Variants in MAPKAPK2 observed in about 807,000 individuals in gnomAD.
MAPKAPK2 encodes the protein MAP kinase-activated protein kinase 2.
MAPKAPK2 carries 9 observed loss-of-function variants against 48.8 expected under a neutral mutation model. The observed-to-expected ratio is 0.18, with a 90% CI of 0.11 to 0.32. MAPKAPK2 has a LOEUF of 0.32. Among genes scored for constraint, MAPKAPK2 ranks in the 10% least tolerant of loss-of-function variants. The pLI, the probability that MAPKAPK2 is intolerant of heterozygous loss-of-function variation, is 1.00. For missense variants in MAPKAPK2, 331 were observed against 498.3 expected, an observed-to-expected ratio of 0.66 and a Z score of 3.20; for synonymous variants, 202 against 190.6, an observed-to-expected ratio of 1.06 and a Z score of -0.49.
At chr1:206,708,985 C>A (rs1435901464) in intron 1 of MAPKAPK2, among the ~76,000 whole-genome samples, 1 of 152,170 alleles carries the variant, frequency 6.6e-6, no homozygotes, top group South Asian at 2.1e-4. Context: ...CTTCTCCATT[C>A]CCCTGTTGAT....
rs1572471027 is a variant in MAPKAPK2, at chr1:206,685,574, G to C, written c.279+66G>C. 4 of 1,323,192 alleles carry C rather than the reference G, an allele frequency of 3.0e-6. No homozygotes were observed. In the East Asian group the frequency reaches 1.6e-4, roughly 52 times the overall value. The allele number at this position is 1,323,192 out of a possible 1,614,324, so 82.0% of individuals were successfully genotyped here. On this transcript the variant is annotated intron_variant, in intron 1 of 9. Coordinates refer to ENST00000367103, the MANE Select transcript of MAPKAPK2 (RefSeq NM_032960.4). ...GGGCCCTGGAGCTCCACGGCGTCGG[G>C]TGCCCGTCCCGGCCTGGGTCGCGGC...
At chr1:206,730,126 A>C (rs1402947741) in intron 5 of MAPKAPK2, 28 bp downstream of exon 5, 5 of 1,613,466 alleles carry the variant, frequency 3.1e-6, no homozygotes, top group Non-Finnish European at 4.2e-6. Flanking sequence ...CCAGGGACCT[A>C]GGCTTTTCCC....
chr1:206,729,514 G>A (rs1012878423), intron 4 of MAPKAPK2, 39 bp downstream of exon 4: 21 of 1,582,188 alleles, frequency 1.3e-5, no homozygotes, highest in Non-Finnish European at 1.7e-5. Context: ...AGTGCTGTGG[G>A]GGGCAACAAA....
intron 1 of MAPKAPK2, among the ~76,000 whole-genome samples, chr1:206,696,740 TTA>T (rs753152918): frequency 9.2e-5 from 14 of 152,176 alleles, no homozygotes; most frequent in Non-Finnish European, 2.1e-4. Flanking sequence ...GCACTGTGCA[TTA>T]TATGCATTAT....
At chr1:206,728,878 C>T (rs1673797341) in intron 2 of MAPKAPK2, 29 bp downstream of exon 2, 1 of 1,612,742 alleles carries the variant, frequency 6.2e-7, no homozygotes, top group Admixed American at 1.7e-5. Context: ...AGTCCCGGCC[C>T]AGCCTGTTCC....
chr1:206,694,420 G>T (rs1553426712), intron 1 of MAPKAPK2, among the ~76,000 whole-genome samples: 1 of 152,230 alleles, frequency 6.6e-6, no homozygotes, highest in Non-Finnish European at 1.5e-5. Context: ...CCATTGGCCT[G>T]TGCAGAGGAA....
chr1:206,702,015 G>A (rs1672813164), intron 1 of MAPKAPK2, among the ~76,000 whole-genome samples: 1 of 152,118 alleles, frequency 6.6e-6, no homozygotes, highest in Non-Finnish European at 1.5e-5. Flanking sequence ...AGACTCTTCA[G>A]AGGAGGTAAC....
chr1:206,728,630 G>A lies in MAPKAPK2; in HGVS notation c.280-80G>A, dbSNP rs966275099. On this transcript the variant is annotated intron_variant, in intron 1 of 9. Coordinates refer to ENST00000367103, the MANE Select transcript of MAPKAPK2 (RefSeq NM_032960.4). ...GGGGGGTTTGTGGTATGTCGGTGGCGATGTCAGGGCATGTGGGCCAGGGGC... is the reference window on the plus strand; with the variant it reads ...GGGGGGTTTGTGGTATGTCGGTGGCAATGTCAGGGCATGTGGGCCAGGGGC... 2.3e-5 allele frequency: 35 copies of A among 1,519,584 alleles called. No homozygotes were observed. The East Asian group carries it at 5.5e-4, about 24-fold the overall frequency. The allele number at this position is 1,519,584 out of a possible 1,614,324, so 94.1% of individuals were successfully genotyped here.
intron 1 of MAPKAPK2, among the ~76,000 whole-genome samples, chr1:206,727,185 G>C (rs562213821): frequency 6.6e-6 from 1 of 152,284 alleles, no homozygotes; most frequent in African/African-American, 2.4e-5. Flanking sequence ...TGGCACCTGC[G>C]CTTGCACTTA....
At chr1:206,690,733 G>A (rs782426062) in intron 1 of MAPKAPK2, among the ~76,000 whole-genome samples, 4 of 152,216 alleles carry the variant, frequency 2.6e-5, no homozygotes, top group Non-Finnish European at 5.9e-5. Context: ...GTGGGTGCCA[G>A]GAGGAATGTC....
In MAPKAPK2 at chr1:206,732,227, G is replaced by A; in HGVS notation, c.1059+308G>A. The A allele has an allele frequency of 6.6e-7, 1 of 1,521,098 alleles. No individual in the cohort carries two copies. The highest frequency in any genetic ancestry group is 8.9e-7 in the Non-Finnish European group (1 of 1,127,814). The allele number at this position is 1,521,098 out of a possible 1,614,324, so 94.2% of individuals were successfully genotyped here. On this transcript the variant is annotated intron_variant, in intron 9 of 9. Transcript: ENST00000367103. This position sits in a 1 kb window ranked among gnomAD's most constrained non-coding sequence, Gnocchi z 4.4. The stretch of plus-strand genomic sequence containing the variant: ...GCAGAAGAGAAACTGAGGCCCAGAG[G>A]CGGAGGGCAGTCTGCTCAAGGTCAC...
intron 6 of MAPKAPK2, 113 bp downstream of exon 6, chr1:206,730,876 C>A: frequency 8.7e-7 from 1 of 1,147,746 alleles, no homozygotes; most frequent in South Asian, 1.3e-5. Context: ...AGGGGAGTCC[C>A]CTGCGTGCCC....
Position 206,731,296 on chromosome 1 carries a change from G to A in MAPKAPK2, c.892+34G>A. 6.2e-7 allele frequency: 1 copy of A among 1,606,148 alleles called. No individual in the cohort carries two copies. Among genetic ancestry groups the A allele is most frequent in the Non-Finnish European group, 8.5e-7 (1 of 1,177,726 alleles). ...CCAGGCTTTCAGGACAAGGGGAAGA[G>A]CCCGTGTGTGTGTGTGTGTGTGTAT... On this transcript the variant is annotated intron_variant, in intron 7 of 9. Transcript: ENST00000367103. This position sits in a 1 kb window ranked among gnomAD's most constrained non-coding sequence, Gnocchi z 5.9.
chr1:206,723,280 C>G (rs782230773), intron 1 of MAPKAPK2, among the ~76,000 whole-genome samples: 15 of 152,156 alleles, frequency 9.9e-5, no homozygotes, highest in African/African-American at 2.7e-4. Context: ...GTTGCCCCCC[C>G]CAGTGGGACT....
At chr1:206,691,504 TACACAC>T (rs1553426272) in intron 1 of MAPKAPK2, among the ~76,000 whole-genome samples, 80 of 112,082 alleles carry the variant, frequency 7.1e-4, no homozygotes, top group Non-Finnish European at 9.9e-4. Context: ...TATATATATA[TACACAC>T]ATACACAGAT....
At chr1:206,711,433 T>C (rs1424637908) in intron 1 of MAPKAPK2, among the ~76,000 whole-genome samples, 10 of 151,416 alleles carry the variant, frequency 6.6e-5, no homozygotes, top group Admixed American at 6.6e-4. Flanking sequence ...GTGTTTTTAA[T>C]AGAGATGGGG....
rs1411587806 is a variant in MAPKAPK2 at position 206,688,981 on chromosome 1, T to A, written c.279+3473T>A. ...CACCTAGTCTCAACCCACTTGTGTA[T>A]TAATTAGTTGTATTCCCCGGGAGGG... On this transcript the variant is annotated intron_variant, in intron 1 of 9. Transcript: ENST00000367103. Among the ~76,000 whole-genome samples the A allele has an allele frequency of 3.3e-5, 5 of 152,180 alleles. No homozygotes were observed. In the East Asian group the frequency reaches 9.6e-4, roughly 29 times the overall value.
Position 206,728,785 on chromosome 1 carries a change from C to T in MAPKAPK2, c.355C>T (p.Arg119Trp), listed in dbSNP as rs1553432209. ...WRASQCPHIV[R>W]IVDVYENLYA... ...GGCCTCCCAGTGCCCGCACATCGTACGGATCGTGGATGTGTACGAGAATCT... is the reference window on the plus strand; with the variant it reads ...GGCCTCCCAGTGCCCGCACATCGTATGGATCGTGGATGTGTACGAGAATCT... Residue 119 changes from arginine to tryptophan, a missense_variant, in exon 2 of 10, where the codon CGG (arginine) becomes TGG (tryptophan). This residue lies in a region of MAPKAPK2 where 111 missense variants were observed against 193.6 expected (regional missense o/e 0.57). Transcript: ENST00000367103. The T allele has an allele frequency of 1.9e-6, 3 of 1,614,082 alleles. No homozygotes were observed. The highest frequency in any genetic ancestry group is 1.1e-5 in the South Asian group (1 of 91,080).
intron 1 of MAPKAPK2, among the ~76,000 whole-genome samples, chr1:206,696,694 A>AC (rs1672635161): frequency 6.6e-6 from 1 of 152,106 alleles, no homozygotes; most frequent in Non-Finnish European, 1.5e-5. Context: ...ACAGAGCGAG[A>AC]CCCCGTCTCT....
Sources: gnomAD v4.1 joint callset for allele counts (sites outside exome capture counted in the v4.1 genomes callset) on GRCh38, gnomAD v4.1.1 for gene constraint, gnomAD v4.1.1 regional missense constraint, Gnocchi (gnomAD v3.1) non-coding constraint, MANE v1.5 for transcripts, NCBI Gene and HGNC (gene_info 2026-07-23, HGNC 2026-07-21) for gene names.